SUMF1: variants seen among roughly 807,000 people sequenced by gnomAD.
The protein encoded by SUMF1 is sulfatase modifying factor 1, also known as formylglycine-generating enzyme.
SUMF1 carries 48 observed loss-of-function variants against 47.6 expected under a neutral mutation model. That is an observed-to-expected ratio of 1.01 (90% CI 0.80 to 1.28). The LOEUF is 1.28. Among genes scored for constraint, SUMF1 ranks in the 50% most tolerant of loss-of-function variants. The probability of loss-of-function intolerance (pLI) is 0.00; values close to 1 mark genes in which losing one functional copy is unlikely to be tolerated. For synonymous variants in SUMF1, 230 were observed against 192.1 expected, an observed-to-expected ratio of 1.20 and a Z score of -1.63; for missense variants, 571 against 485.4, an observed-to-expected ratio of 1.18 and a Z score of -1.66.
intron 8 of SUMF1, among the ~76,000 whole-genome samples, chr3:4,240,674 T>A (rs1696515845): frequency 6.6e-6 from 1 of 151,980 alleles, no homozygotes; most frequent in Non-Finnish European, 1.5e-5. Context: ...ACAAGAAAAA[T>A]TAAAGTATAT....
At chr3:4,110,734 A>T (rs943126818) in intron 8 of SUMF1, among the ~76,000 whole-genome samples, 1 of 151,350 alleles carries the variant, frequency 6.6e-6, no homozygotes, top group Non-Finnish European at 1.5e-5. Context: ...TCAGCAATCT[A>T]TCGCAAGGAC....
chr3:4,103,381 G>A (rs913298685), intron 8 of SUMF1, among the ~76,000 whole-genome samples: 6 of 152,014 alleles, frequency 3.9e-5, no homozygotes, highest in Non-Finnish European at 8.8e-5. Flanking sequence ...GCCTCTAAAA[G>A]GAATACTATA....
intron 4 of SUMF1, 58 bp from the exon 5 acceptor site, chr3:4,418,190 C>T: frequency 6.2e-6 from 10 of 1,610,994 alleles, no homozygotes; most frequent in Non-Finnish European, 8.5e-6. Context: ...GAAGCAGGAG[C>T]TGGCTTCAGC....
At chr3:4,186,645 T>C (rs1211395983) in intron 8 of SUMF1, among the ~76,000 whole-genome samples, 1 of 152,180 alleles carries the variant, frequency 6.6e-6, no homozygotes, top group Non-Finnish European at 1.5e-5. Context: ...CCAATTTTAC[T>C]GGGTGTTCAT....
intron 8 of SUMF1, among the ~76,000 whole-genome samples, chr3:4,250,326 G>C (rs116014677): frequency 1.3e-5 from 2 of 150,874 alleles, no homozygotes; most frequent in Non-Finnish European, 3.0e-5. Flanking sequence ...GAAGAAGGGA[G>C]GGAGGGAAGG....
At chr3:4,322,165 G>A (rs1698850529) in intron 8 of SUMF1, among the ~76,000 whole-genome samples, 2 of 152,124 alleles carry the variant, frequency 1.3e-5, no homozygotes, top group Non-Finnish European at 2.9e-5. Context: ...ATATGTAACT[G>A]TAATGTGGTG....
intron 8 of SUMF1, among the ~76,000 whole-genome samples, chr3:4,082,523 A>G (rs1002828335): frequency 1.1e-4 from 17 of 152,144 alleles, no homozygotes; most frequent in Admixed American, 1.1e-3. Flanking sequence ...TTTAAAATCA[A>G]TAGAATTAAA....
intron 8 of SUMF1, among the ~76,000 whole-genome samples, chr3:4,322,710 G>A (rs1375539687): frequency 6.6e-6 from 1 of 151,890 alleles, no homozygotes; most frequent in Admixed American, 6.6e-5. Flanking sequence ...CATTGACAAG[G>A]ATGTGGAGAA....
intron 8 of SUMF1, among the ~76,000 whole-genome samples, chr3:4,130,337 C>A (rs1352373374): frequency 1.3e-5 from 2 of 152,122 alleles, no homozygotes; most frequent in Non-Finnish European, 2.9e-5. Context: ...TCCATAAGGC[C>A]CACCAGAAGC....
chr3:4,080,380 A>G (rs1692533796), intron 8 of SUMF1, among the ~76,000 whole-genome samples: 1 of 152,100 alleles, frequency 6.6e-6, no homozygotes, highest in African/African-American at 2.4e-5. Flanking sequence ...CCAAGCTGGT[A>G]TTGAGGTGCA....
In SUMF1 at chr3:4,109,639, T is replaced by G. The variant is rs560984110; in HGVS notation, c.1015-40894A>C. On this transcript the variant is annotated intron_variant and NMD_transcript_variant, in intron 8 of 12. Transcript: ENST00000448413. ...TTGTTCATTTCTTTTTATTCTTTTT[T>G]CTCTAAACTTCCCTTCTCACTTCAT... Among the ~76,000 whole-genome samples the G allele has an allele frequency of 6.6e-3, 1,010 of 152,230 alleles. 13 individuals carry two copies. The highest frequency in any genetic ancestry group is 0.023 in the African/African-American group (955 of 41,504).
At chr3:4,333,331 C>T (rs1003225370) in intron 8 of SUMF1, among the ~76,000 whole-genome samples, 8 of 152,208 alleles carry the variant, frequency 5.3e-5, no homozygotes, top group Admixed American at 2.6e-4. Flanking sequence ...AAGGGGGCTT[C>T]GAGCAGCGGT....
intron 3 of SUMF1, among the ~76,000 whole-genome samples, chr3:4,426,438 C>A (rs1575208457): frequency 2.6e-5 from 4 of 152,186 alleles, no homozygotes; most frequent in Admixed American, 2.6e-4. Context: ...TAGGGCAAAT[C>A]CCATCCAAAC....
At chr3:4,062,903 A>G (rs1201026624) in intron 9 of SUMF1, among the ~76,000 whole-genome samples, 2 of 152,058 alleles carry the variant, frequency 1.3e-5, no homozygotes, top group Non-Finnish European at 2.9e-5. Flanking sequence ...TCAAATAAGG[A>G]GTTTTGTCTC....
intron 8 of SUMF1, among the ~76,000 whole-genome samples, chr3:4,187,941 T>C (rs1384252153): frequency 6.6e-6 from 1 of 152,200 alleles, no homozygotes; most frequent in Admixed American, 6.5e-5. Context: ...GTAATGACAT[T>C]GATTTTGACC....
intron 8 of SUMF1, among the ~76,000 whole-genome samples, chr3:4,274,850 G>A (rs1040926580): frequency 6.6e-6 from 1 of 152,212 alleles, no homozygotes; most frequent in Non-Finnish European, 1.5e-5. Context: ...TTCTGCAGAA[G>A]CAGCTGTCAA....
intron 1 of SUMF1, 121 bp from the exon 2 acceptor site, chr3:4,453,170 T>C: frequency 9.6e-7 from 1 of 1,043,390 alleles, no homozygotes; most frequent in Non-Finnish European, 1.4e-6. Flanking sequence ...CAGTAATAAC[T>C]GTAAAATTCG....
intron 4 of SUMF1, 142 bp downstream of exon 4, chr3:4,419,922 T>C (rs1701835532): frequency 2.6e-6 from 2 of 760,780 alleles, no homozygotes; most frequent in African/African-American, 1.7e-5. Context: ...TTTCCCACCA[T>C]CTTATTTTCC....
intron 8 of SUMF1, among the ~76,000 whole-genome samples, chr3:4,109,925 C>G (rs1408244877): frequency 6.6e-6 from 1 of 152,106 alleles, no homozygotes; most frequent in South Asian, 2.1e-4. Flanking sequence ...TCTCTCAACT[C>G]GTCAAAGTCA....
Sources: gnomAD v4.1 joint callset for allele counts (sites outside exome capture counted in the v4.1 genomes callset) on GRCh38, gnomAD v4.1.1 for gene constraint, MANE v1.5 for transcripts, NCBI Gene and HGNC (gene_info 2026-07-23, HGNC 2026-07-21) for gene names.